The following ATP10B variants were observed in gnomAD, a reference collection of about 807,000 sequenced individuals.
ATP10B encodes the protein ATPase phospholipid transporting 10B (putative).
In ATP10B, 122 loss-of-function variants were observed where a neutral mutation model predicts 141.2. That is an observed-to-expected ratio of 0.86 (90% CI 0.75 to 1.00). The LOEUF is 1.00. Among genes scored for constraint, ATP10B ranks in the 50% least tolerant of loss-of-function variants. The pLI, the probability that ATP10B is intolerant of heterozygous loss-of-function variation, is 0.00. For missense variants in ATP10B, 1,876 were observed against 1,825.3 expected, an observed-to-expected ratio of 1.03 and a Z score of -0.51; for synonymous variants, 685 against 692.0, an observed-to-expected ratio of 0.99 and a Z score of 0.16.
chr5:160,874,013 C>T, the ATP10B span, among the ~76,000 whole-genome samples: 400 of 152,346 alleles, frequency 2.6e-3, 2 homozygotes, highest in East Asian at 7.2e-3. Context: ...CCCAGAAGTT[C>T]GAACTGGGTG....
chr5:160,718,909 G>C (rs184145276), intron 2 of ATP10B, among the ~76,000 whole-genome samples: 90 of 152,292 alleles, frequency 5.9e-4, no homozygotes, highest in African/African-American at 2.1e-3. Context: ...CAGGGACTAC[G>C]TCTGGTTCAA....
chr5:160,912,050 TAGAG>T, the ATP10B span, among the ~76,000 whole-genome samples: 5 of 151,686 alleles, frequency 3.3e-5, no homozygotes, highest in African/African-American at 1.2e-4. Context: ...TGCACTCCAG[TAGAG>T]AGAGAGAGAT....
At chr5:160,631,266 G>A (rs1406814173) in intron 13 of ATP10B, among the ~76,000 whole-genome samples, 1 of 152,246 alleles carries the variant, frequency 6.6e-6, no homozygotes, top group African/African-American at 2.4e-5. Flanking sequence ...CCCGGAGAAA[G>A]AGTGTGTGCA....
chr5:160,890,509 C>T, the ATP10B span, among the ~76,000 whole-genome samples: 5 of 151,608 alleles, frequency 3.3e-5, no homozygotes, highest in Admixed American at 3.3e-4. Context: ...TTTGACTATT[C>T]TGGATATTTT....
chr5:160,644,170 G>C lies in ATP10B; in HGVS notation c.836C>G (p.Thr279Ser). ...LLLRGCTIRNTEMAVGIVIYA... is the reference protein window; with the variant it reads ...LLLRGCTIRNSEMAVGIVIYA... ...GATGACAATGCCAACAGCCATCTCG[G>C]TGTTTCTGATGGTGCAGCCTCGAAG... The change falls in exon 9 of 26, where the codon ACC (threonine) becomes AGC (serine). Residue 279 changes from threonine (T) to serine (S), a missense_variant. Transcript: ENST00000327245. 1.9e-6 allele frequency: 3 copies of C among 1,614,022 alleles called. No homozygotes were observed. The highest frequency in any genetic ancestry group is 2.5e-6 in the Non-Finnish European group (3 of 1,179,942).
At chr5:160,924,954 A>G in the ATP10B span, among the ~76,000 whole-genome samples, 1 of 152,142 alleles carries the variant, frequency 6.6e-6, no homozygotes, top group East Asian at 1.9e-4. Flanking sequence ...AAGAGAGGAG[A>G]AAGTTCTGGT....
chr5:160,620,211 A>G, intron 15 of ATP10B, 136 bp downstream of exon 15: 4 of 1,175,412 alleles, frequency 3.4e-6, no homozygotes, highest in Non-Finnish European at 3.6e-6. Context: ...TGAGGAAAAC[A>G]TCTTGTAGGT....
rs1260632276 is a variant in ATP10B, at chr5:160,620,643, G to T, written c.2120C>A (p.Ala707Asp). 4.3e-6 allele frequency: 7 copies of T among 1,613,410 alleles called. No individual in the cohort carries two copies. In the African/African-American group the frequency reaches 8.0e-5, roughly 18 times the overall value. ...GAACTCAGGCCTGGCCAGGTCTGTG[G>T]CTGGGGCCTCCAATGCCTCCTCCAA... Reference protein sequence around the residue: ...TSLEEALEAPATDLARPEFCY... With the variant: ...TSLEEALEAPDTDLARPEFCY... Residue 707 changes from alanine (A) to aspartate (D), a missense_variant, in exon 15 of 26, where the codon GCC becomes GAC. Physicochemically the swap from Ala to Asp is moderately radical, Grantham distance 126. Coordinates refer to ENST00000327245, the MANE Select transcript of ATP10B (RefSeq NM_025153.3).
chr5:160,626,948 C>G (rs532737409), intron 13 of ATP10B, among the ~76,000 whole-genome samples: 9 of 152,334 alleles, frequency 5.9e-5, no homozygotes, highest in East Asian at 5.8e-4. Flanking sequence ...AACAGGAACC[C>G]TGGTTCCTGA....
At chr5:160,814,007 G>A (rs1037560536) in intron 1 of ATP10B, among the ~76,000 whole-genome samples, 2 of 152,148 alleles carry the variant, frequency 1.3e-5, no homozygotes, top group East Asian at 3.9e-4. Flanking sequence ...AAAGACCAAA[G>A]GTAGATACAA....
At chr5:160,835,930 T>C (rs1253989532) in intron 1 of ATP10B, among the ~76,000 whole-genome samples, 2 of 152,088 alleles carry the variant, frequency 1.3e-5, no homozygotes, top group African/African-American at 2.4e-5. Flanking sequence ...TCGAACTTGG[T>C]CCCAACTGCT....
intron 1 of ATP10B, among the ~76,000 whole-genome samples, chr5:160,817,846 A>G (rs755353527): frequency 6.6e-6 from 1 of 152,214 alleles, no homozygotes; most frequent in Non-Finnish European, 1.5e-5. Flanking sequence ...ATAATGCCGC[A>G]TATCTACAGC....
At chr5:160,645,137 G>T (rs62390684) in intron 8 of ATP10B, among the ~76,000 whole-genome samples, 2 of 149,188 alleles carry the variant, frequency 1.3e-5, no homozygotes, top group Admixed American at 6.7e-5. Context: ...AAAAAAAAGG[G>T]CAAGGGGCTG....
Position 160,563,780 on chromosome 5 carries a change from G to C in ATP10B, c.*1673C>G, listed in dbSNP as rs2127590274. The C allele has an allele frequency of 6.6e-6, 1 of 152,246 alleles. No individual in the cohort carries two copies. Among genetic ancestry groups the C allele is most frequent in the South Asian group, 2.1e-4 (1 of 4,826 alleles). 9.4% of individuals were successfully genotyped at this position (152,246 alleles called of 1,614,324 possible). Reference sequence around the variant, plus strand: ...TTGGGGGAAAAATTGAGGTACCTGAGATCCAAGTTTTGACTCAATCCCCTC... The same window carrying C: ...TTGGGGGAAAAATTGAGGTACCTGACATCCAAGTTTTGACTCAATCCCCTC... On this transcript the variant is annotated 3_prime_UTR_variant, in exon 26 of 26. Transcript: ENST00000327245.
chr5:160,798,757 T>TC (rs1372897828), intron 1 of ATP10B, among the ~76,000 whole-genome samples: 1 of 149,504 alleles, frequency 6.7e-6, no homozygotes. Context: ...TTTTTTTTTT[T>TC]TTTTTTTTTT....
the ATP10B span, among the ~76,000 whole-genome samples, chr5:160,867,345 G>GA: frequency 6.6e-6 from 1 of 151,920 alleles, no homozygotes; most frequent in Non-Finnish European, 1.5e-5. Flanking sequence ...ACAACTAGGA[G>GA]AACTTACTTA....
the ATP10B span, among the ~76,000 whole-genome samples, chr5:160,862,615 TA>T: frequency 6.6e-6 from 1 of 151,976 alleles, no homozygotes; most frequent in East Asian, 1.9e-4. Flanking sequence ...CTTAACATAA[TA>T]ATTATGTAGA....
intron 12 of ATP10B, chr5:160,634,066 TA>T (rs541973048): frequency 2.7e-5 from 13 of 480,674 alleles, no homozygotes; most frequent in African/African-American, 2.2e-4. Flanking sequence ...TGCTGACAGA[TA>T]AAAAACTCGT....
Position 160,620,528 on chromosome 5 carries a change from C to G in ATP10B, c.2235G>C (p.Gln745His). 6.2e-7 allele frequency: 1 copy of G among 1,614,192 alleles called. No homozygotes were observed. Among genetic ancestry groups the G allele is most frequent in the Non-Finnish European group, 8.5e-7 (1 of 1,180,014 alleles). The change falls in exon 15 of 26, where the codon CAG (glutamine) becomes CAC (histidine). Residue 745 changes from glutamine to histidine, a missense_variant. By Grantham distance (24) the Gln-to-His change is conservative. Transcript: ENST00000327245. ...TGCCCTGGGGCAGGCGCACAGTCACCTGCTCAGGTGTCCGGGACACTAGTG... is the reference window on the plus strand; with the variant it reads ...TGCCCTGGGGCAGGCGCACAGTCACGTGCTCAGGTGTCCGGGACACTAGTG... ...SFTLVSRTPEQVTVRLPQGTC... is the reference protein window; with the variant it reads ...SFTLVSRTPEHVTVRLPQGTC...
Sources: gnomAD v4.1 joint callset for allele counts (sites outside exome capture counted in the v4.1 genomes callset) on GRCh38, gnomAD v4.1.1 for gene constraint, MANE v1.5 for transcripts, NCBI Gene and HGNC (gene_info 2026-07-23, HGNC 2026-07-21) for gene names.